Variants in XKR9 observed in about 807,000 individuals in gnomAD.
XKR9 encodes XK-related protein 9.
XKR9 carries 32 observed loss-of-function variants against 32.0 expected under a neutral mutation model. The observed-to-expected ratio is 1.00, with a 90% confidence interval of 0.76 to 1.34. The LOEUF (loss-of-function observed/expected upper bound fraction) is 1.34, where lower values mean the gene tolerates loss of function less well. XKR9 is among the 40% of genes most tolerant of loss of function. The probability of loss-of-function intolerance (pLI) is 0.00; values close to 1 mark genes in which losing one functional copy is unlikely to be tolerated. For synonymous variants in XKR9, 168 were observed against 143.4 expected, an observed-to-expected ratio of 1.17 and a Z score of -1.22; for missense variants, 546 against 429.7, an observed-to-expected ratio of 1.27 and a Z score of -2.39.
At chr8:70,909,687 C>T in the XKR9 span, among the ~76,000 whole-genome samples, 24 of 149,566 alleles carry the variant, frequency 1.6e-4, no homozygotes, top group African/African-American at 5.9e-4. Context: ...ACAAATGAAA[C>T]CCAGTTCGAT....
the XKR9 span, among the ~76,000 whole-genome samples, chr8:70,965,217 G>A: frequency 6.6e-6 from 1 of 152,112 alleles, no homozygotes; most frequent in African/African-American, 2.4e-5. Flanking sequence ...TGATGTTTTT[G>A]TCTTTAGTTT....
intron 2 of XKR9, among the ~76,000 whole-genome samples, chr8:70,678,341 A>T (rs1418028507): frequency 6.6e-6 from 1 of 152,216 alleles, no homozygotes; most frequent in Non-Finnish European, 1.5e-5. Flanking sequence ...TAATAGATGT[A>T]CATATTTTTG....
At chr8:70,894,537 G>T in the XKR9 span, among the ~76,000 whole-genome samples, 1 of 152,096 alleles carries the variant, frequency 6.6e-6, no homozygotes, top group Non-Finnish European at 1.5e-5. Context: ...ATTCCCCAGG[G>T]GGCAGTGTGT....
At chr8:70,809,991 A>G in the XKR9 span, among the ~76,000 whole-genome samples, 7 of 152,138 alleles carry the variant, frequency 4.6e-5, no homozygotes, top group South Asian at 2.1e-4. Flanking sequence ...ATAATTGTCA[A>G]ATTCACCAAA....
chr8:70,966,365 C>G, the XKR9 span, among the ~76,000 whole-genome samples: 4 of 152,162 alleles, frequency 2.6e-5, no homozygotes, highest in Non-Finnish European at 4.4e-5. Context: ...TCTCATGCCT[C>G]AGCCCCTGAG....
chr8:70,870,559 C>T, the XKR9 span, among the ~76,000 whole-genome samples: 959 of 152,314 alleles, frequency 6.3e-3, 4 homozygotes, highest in African/African-American at 0.022. Flanking sequence ...AAGCCAGCTG[C>T]TTTGTGCTTA....
intron 2 of XKR9, among the ~76,000 whole-genome samples, chr8:70,752,641 T>C (rs1807158449): frequency 6.6e-6 from 1 of 152,206 alleles, no homozygotes; most frequent in Non-Finnish European, 1.5e-5. Flanking sequence ...CACATGAGTT[T>C]TGGTGGGGAC....
chr8:70,976,256 C>T, the XKR9 span, among the ~76,000 whole-genome samples: 4 of 100,170 alleles, frequency 4.0e-5, no homozygotes, highest in African/African-American at 1.6e-4. Context: ...GAACTTTCAA[C>T]ACTAGTTGAA....
At chr8:70,854,111 C>A in the XKR9 span, among the ~76,000 whole-genome samples, 1 of 152,184 alleles carries the variant, frequency 6.6e-6, no homozygotes, top group African/African-American at 2.4e-5. Flanking sequence ...CACTGACTTC[C>A]ACAATGGTTG....
the XKR9 span, among the ~76,000 whole-genome samples, chr8:71,034,743 G>A: frequency 5.9e-5 from 9 of 151,916 alleles, no homozygotes; most frequent in Admixed American, 1.3e-4. Flanking sequence ...TCTCAGCTGC[G>A]GTCCCGGACG....
the XKR9 span, among the ~76,000 whole-genome samples, chr8:70,800,287 A>G: frequency 6.6e-6 from 1 of 152,158 alleles, no homozygotes; most frequent in Non-Finnish European, 1.5e-5. Flanking sequence ...GGATTTTTGC[A>G]TCAATATTCA....
chr8:70,905,305 G>A, the XKR9 span, among the ~76,000 whole-genome samples: 1 of 152,140 alleles, frequency 6.6e-6, no homozygotes, highest in Admixed American at 6.5e-5. Flanking sequence ...ATTTCTTGGA[G>A]GCTTTGTTCG....
At chr8:70,923,921 G>C in the XKR9 span, among the ~76,000 whole-genome samples, 136,390 of 152,260 alleles carry the variant, frequency 0.9, 61,300 homozygotes, top group East Asian at 0.97. Flanking sequence ...TCAGGCCTTA[G>C]TAAATCTGAT....
chr8:70,892,203 T>A, the XKR9 span, among the ~76,000 whole-genome samples: 6 of 152,236 alleles, frequency 3.9e-5, no homozygotes, highest in African/African-American at 1.4e-4. Flanking sequence ...TAAAATCCAT[T>A]TAGCCAGTGT....
At chr8:70,737,390 G>C (rs1340362476), downstream of XKR9, among the ~76,000 whole-genome samples, 1 of 147,896 alleles carries the variant, frequency 6.8e-6, no homozygotes, top group African/African-American at 2.5e-5. Flanking sequence ...GGGTTTTCTA[G>C]ATATACAATC....
the XKR9 span, among the ~76,000 whole-genome samples, chr8:70,944,011 T>A: frequency 6.6e-6 from 1 of 152,186 alleles, no homozygotes; most frequent in Admixed American, 6.5e-5. Context: ...TAAAAAATGC[T>A]TAATTTTCTA....
chr8:70,897,123 G>A, the XKR9 span, among the ~76,000 whole-genome samples: 1 of 152,082 alleles, frequency 6.6e-6, no homozygotes, highest in Non-Finnish European at 1.5e-5. Flanking sequence ...GCAGAAAAGT[G>A]AGAACATGTG....
intron 4 of XKR9, among the ~76,000 whole-genome samples, chr8:70,717,401 C>T (rs1806127779): frequency 6.6e-6 from 1 of 152,204 alleles, no homozygotes; most frequent in East Asian, 1.9e-4. Context: ...TCCATACATC[C>T]TCTAAAATCT....
At chr8:70,702,800 G>A (rs1205919654) in intron 3 of XKR9, among the ~76,000 whole-genome samples, 1 of 152,128 alleles carries the variant, frequency 6.6e-6, no homozygotes, top group African/African-American at 2.4e-5. Context: ...TATGTTTAAA[G>A]AGAGTCCCTT....
Sources: allele counts gnomAD v4.1 joint callset (sites outside exome capture counted in the v4.1 genomes callset), GRCh38; gene constraint gnomAD v4.1.1; transcripts MANE v1.5; gene names NCBI Gene and HGNC (gene_info 2026-07-23, HGNC 2026-07-21).